SIGLEC9: variants seen among roughly 807,000 people sequenced by gnomAD.
SIGLEC9 encodes sialic acid-binding Ig-like lectin 9.
Under a neutral mutation model 38.3 loss-of-function variants are expected in SIGLEC9, and 26 were observed. The ratio of observed to expected loss-of-function variants is 0.68; its 90% CI spans 0.50 to 0.94. The LOEUF is 0.94. Ranked by LOEUF, SIGLEC9 falls within the 40% of genes least tolerant of loss-of-function variation. SIGLEC9 has a pLI of 0.00. For missense variants in SIGLEC9, 556 were observed against 585.7 expected (o/e 0.95, Z 0.52); for synonymous variants, 236 against 248.0 (o/e 0.95, Z 0.45).
chr19:51,132,272 G>A (rs1265799365), downstream of SIGLEC9, among the ~76,000 whole-genome samples: 4 of 152,180 alleles, frequency 2.6e-5, no homozygotes, highest in African/African-American at 9.6e-5. Flanking sequence ...GCAAAGGCTG[G>A]TGCCAAGCAT....
chr19:51,134,141 T>A (rs562459042), downstream of SIGLEC9, among the ~76,000 whole-genome samples: 999 of 132,756 alleles, frequency 7.5e-3, 15 homozygotes, highest in African/African-American at 0.026. Flanking sequence ...TTTATTTCTT[T>A]CTTTTCTTTT....
chr19:51,127,996 G>A lies in SIGLEC9; in HGVS notation c.1063G>A (p.Ala355Thr), dbSNP rs1447716912. 6.2e-7 allele frequency: 1 copy of A among 1,614,108 alleles called. No homozygotes were observed. Among genetic ancestry groups the A allele is most frequent in the East Asian group, 2.2e-5 (1 of 44,888 alleles). ...VTQGVVGGAG[A>T]TALVFLSFCV... is the part of the protein sequence containing the mutation. ...TCAGGGGGTGGTCGGGGGAGCTGGA[G>A]CCACAGCCCTGGTCTTCCTGTCCTT... The change falls in exon 5 of 7, where the codon GCC becomes ACC. Residue 355 changes from alanine to threonine, a missense_variant. Coordinates refer to ENST00000250360, the MANE Select transcript of SIGLEC9 (RefSeq NM_014441.3).
chr19:51,134,420 G>A (rs2092032789), downstream of SIGLEC9, among the ~76,000 whole-genome samples: 1 of 152,026 alleles, frequency 6.6e-6, no homozygotes, highest in Non-Finnish European at 1.5e-5. Context: ...GCATCCCAAA[G>A]TGCTGGGATT....
chr19:51,136,096 GA>G lies in SIGLEC9; in HGVS notation c.1340del (p.Asn447ThrfsTer6). 3 of 703,862 alleles carry G rather than the reference GA, an allele frequency of 4.3e-6. No homozygotes were observed. Among genetic ancestry groups the G allele is most frequent in the Non-Finnish European group, 7.8e-6 (3 of 384,998 alleles). The allele number at this position is 703,862 out of a possible 1,614,324, so 43.6% of individuals were successfully genotyped here. ...ATTTCAGTCATTTCAGACTCATTAAGAACATTGCTGGGGAGATAGTGTGGTC... is the reference window on the plus strand; with the variant it reads ...ATTTCAGTCATTTCAGACTCATTAAGACATTGCTGGGGAGATAGTGTGGTC... On this transcript the variant is annotated frameshift_variant, in exon 7 of 7. Transcript: ENST00000440804. LOFTEE classifies it high-confidence loss of function.
At chr19:51,134,001 T>C (rs1225515244), downstream of SIGLEC9, among the ~76,000 whole-genome samples, 1 of 152,088 alleles carries the variant, frequency 6.6e-6, no homozygotes, top group East Asian at 1.9e-4. Flanking sequence ...TTCACTTATA[T>C]GAAGTTCAAG....
At position 51,125,680 on chromosome 19, in the gene SIGLEC9, G is replaced by T. The variant is rs1250739208; in HGVS notation, c.505G>T (p.Ala169Ser). 1.2e-6 allele frequency: 2 copies of T among 1,613,790 alleles called. No homozygotes were observed. The highest frequency in any genetic ancestry group is 1.7e-6 in the Non-Finnish European group (2 of 1,179,986). ...GAATCTGACCTGCTCTGTGCCCTGG[G>T]CCTGTGAGCAGGGGACACCCCCTAT... is the stretch of plus-strand genomic sequence containing the variant. ...PQNLTCSVPWACEQGTPPMIS... is the reference protein window; with the variant it reads ...PQNLTCSVPWSCEQGTPPMIS... Residue 169 changes from alanine (A) to serine (S), a missense_variant, in exon 2 of 7, where the codon GCC becomes TCC. Ala to Ser is a moderately conservative substitution (Grantham distance 99). Transcript: ENST00000250360.
In SIGLEC9 at chr19:51,125,542, C is replaced by G. The variant is rs190744267; in HGVS notation, c.422-55C>G. On this transcript the variant is annotated intron_variant, in intron 1 of 6. Coordinates refer to ENST00000250360, the MANE Select transcript of SIGLEC9 (RefSeq NM_014441.3). ...GCTGGACCAGAGCCTGAGCTCCCCC[C>G]AGGGCTGCACCATGGATCCTCTGAC... 8.1e-4 allele frequency: 1,296 copies of G among 1,596,512 alleles called. 9 individuals carry two copies. In the African/African-American group the frequency reaches 0.016, roughly 19 times the overall value.
downstream of SIGLEC9, among the ~76,000 whole-genome samples, chr19:51,133,933 A>G (rs1465081968): frequency 1.3e-5 from 2 of 152,154 alleles, no homozygotes; most frequent in Non-Finnish European, 2.9e-5. Context: ...GCTTGAATAA[A>G]TTTTGAAAAC....
chr19:51,131,253 A>G (rs2092013359), downstream of SIGLEC9, among the ~76,000 whole-genome samples: 1 of 152,188 alleles, frequency 6.6e-6, no homozygotes, highest in Admixed American at 6.5e-5. Flanking sequence ...TTGCCCATTT[A>G]CGGCAGCATC....
chr19:51,124,960 C>T lies in SIGLEC9; in HGVS notation c.-15C>T. 3 of 1,592,022 alleles carry T rather than the reference C, an allele frequency of 1.9e-6. No homozygotes were observed. The highest frequency in any genetic ancestry group is 1.7e-4 in the Middle Eastern group (1 of 5,954). On this transcript the variant is annotated 5_prime_UTR_variant, in exon 1 of 7. Transcript: ENST00000250360. ...CAGACGTTCCCTCGCGGCCCTGGCACCTCTAACCCCAGACATGCTGCTGCT... is the reference window on the plus strand; with the variant it reads ...CAGACGTTCCCTCGCGGCCCTGGCATCTCTAACCCCAGACATGCTGCTGCT...
Position 51,125,382 on chromosome 19 carries a change from T to C in SIGLEC9, c.408T>C (p.Ser136=). Residue 136 remains serine, a synonymous_variant, in exon 1 of 7, where the codon TCT becomes TCC. Coordinates refer to ENST00000250360, the MANE Select transcript of SIGLEC9 (RefSeq NM_014441.3). ...IKWNYKHHRL[S]VNVTALTHRP... ...GGAATTATAAACATCACCGGCTCTC[T>C]GTGAATGTGACAGGTAAGGCACAGG... The C allele has an allele frequency of 1.9e-6, 3 of 1,583,014 alleles. No individual in the cohort carries two copies. Among genetic ancestry groups the C allele is most frequent in the Non-Finnish European group, 2.6e-6 (3 of 1,163,472 alleles).
chr19:51,126,195 T>C, intron 3 of SIGLEC9, 67 bp downstream of exon 3: 1 of 1,458,008 alleles, frequency 6.9e-7, no homozygotes. Context: ...GGCTGGCTTA[T>C]TCCTCAACCT....
At chr19:51,129,541 T>C (rs977231452) in intron 6 of SIGLEC9, among the ~76,000 whole-genome samples, 2 of 151,704 alleles carry the variant, frequency 1.3e-5, no homozygotes, top group Admixed American at 6.6e-5. Context: ...TCAAGTGCAT[T>C]TTTTCGTTTG....
chr19:51,125,414 G>A lies in SIGLEC9; in HGVS notation c.421+19G>A. ...GTGACAGGTAAGGCACAGGCTCCAG[G>A]AAAGGCCACAGGGAAAGGTCATGGG... is the stretch of plus-strand genomic sequence containing the variant. On this transcript the variant is annotated intron_variant, in intron 1 of 6. Coordinates refer to ENST00000250360, the MANE Select transcript of SIGLEC9 (RefSeq NM_014441.3). 6.4e-7 allele frequency: 1 copy of A among 1,567,130 alleles called. No individual in the cohort carries two copies. The highest frequency in any genetic ancestry group is 8.6e-7 in the Non-Finnish European group (1 of 1,156,352).
chr19:51,125,854 A>G lies in SIGLEC9; in HGVS notation c.679A>G (p.Thr227Ala). ...TGGGGCCAGCGTGACCACGAACAAG[A>G]CCGTCCATCTCAACGTGTCCTGTGA... ...FPGASVTTNK[T>A]VHLNVSYPPQ... The change falls in exon 2 of 7, where the codon ACC becomes GCC. Residue 227 changes from threonine to alanine, a missense_variant. Thr to Ala is a moderately conservative substitution (Grantham distance 58, BLOSUM62 0). Transcript: ENST00000250360. The G allele has an allele frequency of 1.2e-6, 2 of 1,613,862 alleles. No homozygotes were observed. The highest frequency in any genetic ancestry group is 1.7e-6 in the Non-Finnish European group (2 of 1,179,952).
intron 5 of SIGLEC9, 62 bp downstream of exon 5, chr19:51,128,101 G>A: frequency 7.2e-7 from 1 of 1,388,190 alleles, no homozygotes. Context: ...GCTGGAAGCT[G>A]GATCCCTGAA....
At chr19:51,123,172 C>T (rs895690235), upstream of SIGLEC9, among the ~76,000 whole-genome samples, 2 of 152,204 alleles carry the variant, frequency 1.3e-5, no homozygotes, top group Non-Finnish European at 2.9e-5. Context: ...TGGCTTCCCC[C>T]CAACCCCCAT....
upstream of SIGLEC9, among the ~76,000 whole-genome samples, chr19:51,123,123 C>G (rs1222603886): frequency 2.0e-5 from 3 of 152,166 alleles, no homozygotes; most frequent in African/African-American, 7.2e-5. Flanking sequence ...GGGCTTCTGG[C>G]CCCTGGTTCT....
chr19:51,125,062 A>T lies in SIGLEC9; in HGVS notation c.88A>T (p.Thr30Ser), dbSNP rs769074663. The T allele has an allele frequency of 3.0e-5, 49 of 1,613,948 alleles. No homozygotes were observed. The highest frequency in any genetic ancestry group is 3.3e-4 in the Middle Eastern group (2 of 6,084). The change falls in exon 1 of 7, where the codon ACG becomes TCG. Residue 30 changes from threonine to serine, a missense_variant. By Grantham distance (58) the Thr-to-Ser change is moderately conservative (BLOSUM62 1). Coordinates refer to ENST00000250360, the MANE Select transcript of SIGLEC9 (RefSeq NM_014441.3). The part of the protein sequence containing the change: ...SKLLTMQSSV[T>S]VQEGLCVHVP... The stretch of plus-strand genomic sequence containing the variant: ...ACTGCTGACGATGCAGAGTTCCGTG[A>T]CGGTGCAGGAAGGCCTGTGTGTCCA...
Sources: allele counts gnomAD v4.1 joint callset (sites outside exome capture counted in the v4.1 genomes callset), GRCh38; gene constraint gnomAD v4.1.1; transcripts MANE v1.5; gene names NCBI Gene and HGNC (gene_info 2026-07-23, HGNC 2026-07-21).